The following DACH2 variants were observed in gnomAD, a reference collection of about 807,000 sequenced individuals.
DACH2 encodes the protein dachshund homolog 2.
In DACH2, 17 loss-of-function variants were observed where a neutral mutation model predicts 35.8. The observed-to-expected ratio is 0.48, with a 90% CI of 0.33 to 0.71. The LOEUF (loss-of-function observed/expected upper bound fraction) is 0.71. DACH2 is among the 30% of genes least tolerant of loss of function. DACH2 has a pLI of 0.02. For missense variants in DACH2, 469 were observed against 472.7 expected, an observed-to-expected ratio of 0.99 and a Z score of 0.07; for synonymous variants, 195 against 177.3, an observed-to-expected ratio of 1.10 and a Z score of -0.79.
chrX:86,667,374 G>GAGGA (rs199702492), intron 4 of DACH2, among the ~76,000 whole-genome samples: 2 of 80,062 alleles, frequency 2.5e-5, no homozygotes, highest in African/African-American at 9.6e-5. Flanking sequence ...GGAAGGGAGG[G>GAGGA]AGGAAGGAAG....
intron 7 of DACH2, among the ~76,000 whole-genome samples, chrX:86,742,923 C>G (rs2041671857): frequency 9.0e-6 from 1 of 110,973 alleles, no homozygotes; most frequent in South Asian, 3.7e-4. Context: ...AATTACATAT[C>G]CGCCTGAAAT....
At chrX:86,538,777 AC>A (rs754964076) in intron 3 of DACH2, among the ~76,000 whole-genome samples, 3 of 111,891 alleles carry the variant, frequency 2.7e-5, no homozygotes, top group Non-Finnish European at 5.6e-5. Flanking sequence ...TTTGGGGATT[AC>A]ATGTTGATCA....
Position 86,561,913 on chromosome X carries a change from A to T in DACH2, c.640+47522A>T, listed in dbSNP as rs1416927670. The stretch of plus-strand genomic sequence containing the variant: ...CTTAAAGTAGAATTAAAAAAAAAAA[A>T]AAAAAAAGAGAATTCAGCAAGGATT... On this transcript the variant is annotated intron_variant, in intron 3 of 11. Coordinates refer to ENST00000373125, the MANE Select transcript of DACH2 (RefSeq NM_053281.3). Among the ~76,000 whole-genome samples the T allele has an allele frequency of 4.0e-4, 41 of 101,560 alleles. No homozygotes were observed. The East Asian group carries it at 0.011, about 27-fold the overall frequency. 88.2% of individuals were successfully genotyped at this position (101,560 alleles called of 115,157 possible). A position where few individuals can be genotyped will look rare whatever the true frequency, so the allele number is the denominator to read the frequency against.
chrX:86,440,967 C>A (rs773492109), intron 2 of DACH2, among the ~76,000 whole-genome samples: 2 of 110,851 alleles, frequency 1.8e-5, no homozygotes. Flanking sequence ...TACCTGTTGA[C>A]CAACCTCTCC....
intron 2 of DACH2, among the ~76,000 whole-genome samples, chrX:86,511,490 C>G (rs774263905): frequency 9.0e-6 from 1 of 111,486 alleles, no homozygotes; most frequent in African/African-American, 3.3e-5. Context: ...AAGGGTCAAT[C>G]AGAAATTTTA....
At chrX:86,760,654 C>G (rs952223463) in intron 7 of DACH2, among the ~76,000 whole-genome samples, 1 of 111,635 alleles carries the variant, frequency 9.0e-6, no homozygotes, top group Non-Finnish European at 1.9e-5. Flanking sequence ...TTGTATCTCA[C>G]TGAGCTTCTT....
At chrX:86,303,256 T>C (rs1055356618) in intron 1 of DACH2, among the ~76,000 whole-genome samples, 6 of 108,684 alleles carry the variant, frequency 5.5e-5, no homozygotes, top group African/African-American at 2.0e-4. Flanking sequence ...TGGTCCCAAG[T>C]TTCCTCACTC....
chrX:86,161,845 T>A (rs970541902), intron 1 of DACH2, among the ~76,000 whole-genome samples: 3 of 111,978 alleles, frequency 2.7e-5, no homozygotes, highest in Non-Finnish European at 3.8e-5. Flanking sequence ...TTTAGGGGCA[T>A]GTTCTTTTTT....
rs192610476 is a variant in DACH2, at chrX:86,609,525, G to A, written c.641-41511G>A. Among the ~76,000 whole-genome samples, 14 of 111,540 alleles carry A rather than the reference G, an allele frequency of 1.3e-4. No homozygotes were observed. In the East Asian group the frequency reaches 2.6e-3, roughly 20 times the overall value. The stretch of plus-strand genomic sequence containing the variant: ...TTCCTGAATTATCTTTATACTTGTC[G>A]GTGTTTGTGTCTAGTTATTAAAGAG... On this transcript the variant is annotated intron_variant, in intron 3 of 11. Coordinates refer to ENST00000373125, the MANE Select transcript of DACH2 (RefSeq NM_053281.3).
At chrX:86,606,297 G>T (rs1332568658) in intron 3 of DACH2, among the ~76,000 whole-genome samples, 1 of 102,072 alleles carries the variant, frequency 9.8e-6, no homozygotes, top group Non-Finnish European at 2.0e-5. Context: ...TTTATTTGAA[G>T]TTTTTTTTTT....
At position 86,822,129 on chromosome X, in the gene DACH2, G is replaced by T. The variant is rs769590847; in HGVS notation, c.1750+6030G>T. Among the ~76,000 whole-genome samples, 3 of 112,086 alleles carry T rather than the reference G, an allele frequency of 2.7e-5. No individual in the cohort carries two copies. In the South Asian group the frequency reaches 1.1e-3, roughly 41 times the overall value. ...CATGCAAAAGGAAAAACATTTTCCT[G>T]ATTAAAAGACTAAGTCAAGTTTTAC... On this transcript the variant is annotated intron_variant, in intron 11 of 11. Transcript: ENST00000373125.
In DACH2 at chrX:86,695,145, C is replaced by A; in HGVS notation, c.897C>A (p.Leu299=). 9.1e-7 allele frequency: 1 copy of A among 1,100,547 alleles called. No homozygotes were observed. 90.7% of individuals were successfully genotyped at this position (1,100,547 alleles called of 1,213,427 possible). A position where few individuals can be genotyped will look rare whatever the true frequency, so the allele number is the denominator to read the frequency against. Residue 299 remains leucine (L), a synonymous_variant, in exon 5 of 12, where the codon CTC becomes CTA. Coordinates refer to ENST00000373125, the MANE Select transcript of DACH2 (RefSeq NM_053281.3). ...CAGGCATTGGGGGTGCTCCAACCCT[C>A]AATCCACTGCAGCAGAACCACCTGC... ...GQPGIGGAPT[L]NPLQQNHLLT...
intron 1 of DACH2, among the ~76,000 whole-genome samples, chrX:86,187,069 A>G (rs1469146116): frequency 8.9e-6 from 1 of 111,992 alleles, no homozygotes; most frequent in Non-Finnish European, 1.9e-5. Flanking sequence ...CATATAACTC[A>G]GTTTTCTTTG....
intron 1 of DACH2, among the ~76,000 whole-genome samples, chrX:86,326,041 T>A (rs753488079): frequency 9.0e-6 from 1 of 111,592 alleles, no homozygotes; most frequent in Non-Finnish European, 1.9e-5. Flanking sequence ...TGCATGCAAA[T>A]AACTACTTTT....
intron 1 of DACH2, among the ~76,000 whole-genome samples, chrX:86,367,294 CAG>C (rs2035819945): frequency 9.0e-6 from 1 of 111,552 alleles, no homozygotes; most frequent in Non-Finnish European, 1.9e-5. Flanking sequence ...AGCATGCAAA[CAG>C]AATAATGCAC....
At chrX:86,611,448 A>C (rs1306672855) in intron 3 of DACH2, among the ~76,000 whole-genome samples, 1 of 110,893 alleles carries the variant, frequency 9.0e-6, no homozygotes, top group Non-Finnish European at 1.9e-5. Context: ...ATGCCCCTTA[A>C]GTCCACTGGC....
At chrX:86,205,195 T>G (rs1387739288) in intron 1 of DACH2, among the ~76,000 whole-genome samples, 1 of 111,525 alleles carries the variant, frequency 9.0e-6, no homozygotes, top group African/African-American at 3.3e-5. Flanking sequence ...AAACTGAGTT[T>G]CACAGGAAAC....
intron 1 of DACH2, among the ~76,000 whole-genome samples, chrX:86,155,130 T>C (rs2030498778): frequency 9.0e-6 from 1 of 110,971 alleles, no homozygotes; most frequent in Non-Finnish European, 1.9e-5. Flanking sequence ...ATAAATAGAA[T>C]AATACTGTAT....
chrX:86,250,081 A>G (rs1389231373), intron 1 of DACH2, among the ~76,000 whole-genome samples: 1 of 111,505 alleles, frequency 9.0e-6, no homozygotes, highest in Non-Finnish European at 1.9e-5. Flanking sequence ...GGTGAGGAAT[A>G]AAAAATTACC....
Sources: gnomAD v4.1 joint callset for allele counts (sites outside exome capture counted in the v4.1 genomes callset) on GRCh38, gnomAD v4.1.1 for gene constraint, MANE v1.5 for transcripts, NCBI Gene and HGNC (gene_info 2026-07-23, HGNC 2026-07-21) for gene names.